Variants in DNM3 observed in about 807,000 individuals in gnomAD.
DNM3 encodes dynamin 3, also known as dynamin-3.
Under a neutral mutation model 101.6 loss-of-function variants are expected in DNM3, and 47 were observed. That is an observed-to-expected ratio of 0.46 (90% CI 0.37 to 0.59). The LOEUF (loss-of-function observed/expected upper bound fraction) is 0.59. Ranked by LOEUF, DNM3 falls within the 20% of genes least tolerant of loss-of-function variation. DNM3 has a pLI of 0.00. For missense variants in DNM3, 849 were observed against 1,085.7 expected, an observed-to-expected ratio of 0.78 and a Z score of 3.06; for synonymous variants, 385 against 387.9, an observed-to-expected ratio of 0.99 and a Z score of 0.09.
chr1:172,141,313 A>G (rs2057566118), intron 14 of DNM3, among the ~76,000 whole-genome samples: 1 of 152,122 alleles, frequency 6.6e-6, no homozygotes, highest in Non-Finnish European at 1.5e-5. Flanking sequence ...GAAAGTTTCT[A>G]TCTTAACTCA....
At chr1:172,323,051 A>C (rs778819016) in intron 16 of DNM3, among the ~76,000 whole-genome samples, 3 of 152,170 alleles carry the variant, frequency 2.0e-5, no homozygotes, top group Non-Finnish European at 4.4e-5. Flanking sequence ...AATAGAAAGA[A>C]AGGGGGCAAC....
intron 2 of DNM3, among the ~76,000 whole-genome samples, chr1:171,933,729 A>T (rs1166208475): frequency 6.6e-6 from 1 of 152,184 alleles, no homozygotes; most frequent in Non-Finnish European, 1.5e-5. Context: ...AGGGAACATG[A>T]TAGAAGGATT....
At chr1:172,143,539 C>T (rs2057706709) in intron 14 of DNM3, among the ~76,000 whole-genome samples, 1 of 151,980 alleles carries the variant, frequency 6.6e-6, no homozygotes, top group Non-Finnish European at 1.5e-5. Context: ...CCCTCTTTCA[C>T]CTCCAGGACA....
At position 171,921,105 on chromosome 1, in the gene DNM3, GT is replaced by G. The variant is rs1229865520; in HGVS notation, c.162-632del. 3.5e-3 allele frequency among the ~76,000 whole-genome samples: 497 copies of G among 141,690 alleles called. 6 individuals are homozygous for G. The highest frequency in any genetic ancestry group is 0.01 in the Middle Eastern group (3 of 286). 93.0% of individuals were successfully genotyped at this position (141,690 alleles called of 152,430 possible). On this transcript the variant is annotated intron_variant, in intron 1 of 20. Transcript: ENST00000627582. ...CGTCTGGCTGGCTAGTTTTTGTAGG[GT>G]TTTTTTTTTTCTTTTTTTTTTTGTA...
At chr1:172,007,427 G>A (rs772843218) in intron 4 of DNM3, among the ~76,000 whole-genome samples, 1 of 152,094 alleles carries the variant, frequency 6.6e-6, no homozygotes, top group South Asian at 2.1e-4. Flanking sequence ...TAGGCCGTTT[G>A]TATATCTGCT....
chr1:172,034,371 ACT>A (rs2048818275), intron 6 of DNM3, among the ~76,000 whole-genome samples: 1 of 151,910 alleles, frequency 6.6e-6, no homozygotes, highest in South Asian at 2.1e-4. Context: ...CACTGTCAAA[ACT>A]CTCTTTAGAA....
At chr1:172,205,818 CA>C (rs1473999514) in intron 14 of DNM3, among the ~76,000 whole-genome samples, 1 of 151,996 alleles carries the variant, frequency 6.6e-6, no homozygotes, top group African/African-American at 2.4e-5. Flanking sequence ...AATACTACAC[CA>C]AAACTCAACA....
chr1:171,914,408 C>T (rs555657145), intron 1 of DNM3, among the ~76,000 whole-genome samples: 11 of 152,090 alleles, frequency 7.2e-5, no homozygotes, highest in Non-Finnish European at 1.3e-4. Context: ...CTGCCGGCCT[C>T]GGCCTCCCAA....
At chr1:172,414,654 G>A (rs2071362520), downstream of DNM3, among the ~76,000 whole-genome samples, 2 of 150,706 alleles carry the variant, frequency 1.3e-5, no homozygotes, top group African/African-American at 2.4e-5. Context: ...AAAGTTGGAT[G>A]ATAAAATCAA....
chr1:172,356,281 C>T (rs528456080), intron 17 of DNM3, among the ~76,000 whole-genome samples: 78 of 152,038 alleles, frequency 5.1e-4, no homozygotes, highest in African/African-American at 1.7e-3. Context: ...ATTAAAACAA[C>T]AAGAATAATA....
At chr1:172,201,506 C>A (rs570742) in intron 14 of DNM3, among the ~76,000 whole-genome samples, 35,944 of 152,148 alleles carry the variant, frequency 0.24, 7,123 homozygotes, top group African/African-American at 0.54. Context: ...GTGCAATCAG[C>A]CCAGAATAGA....
At chr1:172,364,985 C>CCTCTTTT (rs1310314953) in intron 17 of DNM3, among the ~76,000 whole-genome samples, 1 of 151,838 alleles carries the variant, frequency 6.6e-6, no homozygotes, top group Non-Finnish European at 1.5e-5. Flanking sequence ...GCCAATTAAA[C>CCTCTTTT]CTCTTTTCTT....
intron 13 of DNM3, among the ~76,000 whole-genome samples, chr1:172,119,409 G>A (rs138658828): frequency 2.6e-5 from 4 of 152,050 alleles, no homozygotes; most frequent in East Asian, 3.9e-4. Flanking sequence ...TCACCTTTAC[G>A]TTTGACCTTT....
At chr1:172,175,789 T>G (rs553252444) in intron 14 of DNM3, among the ~76,000 whole-genome samples, 15 of 151,966 alleles carry the variant, frequency 9.9e-5, no homozygotes, top group Admixed American at 3.9e-4. Flanking sequence ...TTTACTATAC[T>G]TGCTTTATCA....
At chr1:171,859,046 T>A (rs1336377887) in intron 1 of DNM3, among the ~76,000 whole-genome samples, 1 of 152,154 alleles carries the variant, frequency 6.6e-6, no homozygotes, top group Non-Finnish European at 1.5e-5. Context: ...ATAGTTAAAA[T>A]TTTTCAGTTC....
intron 14 of DNM3, among the ~76,000 whole-genome samples, chr1:172,174,035 T>G (rs2059064815): frequency 6.6e-6 from 1 of 151,666 alleles, no homozygotes; most frequent in South Asian, 2.1e-4. Context: ...AGTATGTTAA[T>G]AAGAAAATAG....
intron 15 of DNM3, among the ~76,000 whole-genome samples, chr1:172,304,206 C>CAAAAAAAAAAAAAAAAAAAAAAAAA (rs575733774): frequency 1.4e-4 from 5 of 36,380 alleles, no homozygotes; most frequent in South Asian, 1.0e-3. Context: ...AAAAGGAAAG[C>CAAAAAAAAAAAAAAAAAAAAAAAAA]AAAAAAAAAA....
chr1:171,964,269 A>G (rs1413838160), intron 2 of DNM3, among the ~76,000 whole-genome samples: 1 of 152,138 alleles, frequency 6.6e-6, no homozygotes, highest in Non-Finnish European at 1.5e-5. Context: ...GATAAGAAAC[A>G]TTTACAGTCT....
intron 4 of DNM3, among the ~76,000 whole-genome samples, chr1:171,998,699 A>C (rs2046171905): frequency 6.6e-6 from 1 of 152,100 alleles, no homozygotes; most frequent in African/African-American, 2.4e-5. Context: ...TAAGTGCTGC[A>C]AAGAAAAATG....
Sources: allele counts gnomAD v4.1 joint callset (sites outside exome capture counted in the v4.1 genomes callset), GRCh38; gene constraint gnomAD v4.1.1; transcripts MANE v1.5; gene names NCBI Gene and HGNC (gene_info 2026-07-23, HGNC 2026-07-21).